The following ANAPC10 variants were observed in gnomAD, a reference collection of about 807,000 sequenced individuals.
ANAPC10 encodes anaphase-promoting complex subunit 10.
A neutral mutation model predicts 22.0 loss-of-function variants in ANAPC10; 12 were observed. The observed-to-expected ratio is 0.55, with a 90% confidence interval of 0.35 to 0.88. ANAPC10 has a LOEUF of 0.88. ANAPC10 is among the 40% of genes least tolerant of loss of function. ANAPC10 has a pLI of 0.01. For missense variants in ANAPC10, 188 were observed against 220.9 expected, an observed-to-expected ratio of 0.85 and a Z score of 0.94; for synonymous variants, 65 against 69.5, an observed-to-expected ratio of 0.94 and a Z score of 0.32.
chr4:145,000,421 T>C (rs1732343517), intron 4 of ANAPC10, among the ~76,000 whole-genome samples: 1 of 152,014 alleles, frequency 6.6e-6, no homozygotes, highest in Non-Finnish European at 1.5e-5. Context: ...AAAGAAGACA[T>C]TTATACAGCC....
At chr4:144,997,084 T>C (rs1403775568) in intron 4 of ANAPC10, among the ~76,000 whole-genome samples, 1 of 152,194 alleles carries the variant, frequency 6.6e-6, no homozygotes, top group Non-Finnish European at 1.5e-5. Flanking sequence ...AATATGGTAC[T>C]ATGTGAAAAG....
intron 4 of ANAPC10, among the ~76,000 whole-genome samples, chr4:145,040,368 G>A (rs933230865): frequency 2.0e-5 from 3 of 152,104 alleles, no homozygotes; most frequent in Admixed American, 6.5e-5. Context: ...GGCTGGTCTC[G>A]AACTCCTGAC....
At chr4:145,042,451 G>A (rs1277976848) in intron 4 of ANAPC10, among the ~76,000 whole-genome samples, 1 of 151,846 alleles carries the variant, frequency 6.6e-6, no homozygotes, top group African/African-American at 2.4e-5. Context: ...GATTTTAAAG[G>A]GCAAACATCA....
intron 4 of ANAPC10, chr4:145,053,615 C>T (rs1741454094): frequency 2.3e-6 from 1 of 425,956 alleles, no homozygotes; most frequent in African/African-American, 2.0e-5. Flanking sequence ...TCCCAAATAT[C>T]TACAAATCCT....
At chr4:145,001,533 T>C (rs1390386788) in intron 4 of ANAPC10, among the ~76,000 whole-genome samples, 5 of 152,204 alleles carry the variant, frequency 3.3e-5, no homozygotes, top group Middle Eastern at 3.2e-3. Flanking sequence ...TGACGATGTA[T>C]AGTTCTTAAA....
intron 4 of ANAPC10, among the ~76,000 whole-genome samples, chr4:145,057,528 T>C (rs1484060345): frequency 2.0e-5 from 3 of 152,170 alleles, no homozygotes; most frequent in Admixed American, 6.5e-5. Context: ...CCTAGCACTC[T>C]TCTTTCATAT....
At chr4:144,998,911 A>C (rs893249565) in intron 4 of ANAPC10, among the ~76,000 whole-genome samples, 4 of 152,156 alleles carry the variant, frequency 2.6e-5, no homozygotes, top group Non-Finnish European at 5.9e-5. Flanking sequence ...GCAAATAGAC[A>C]CAATAAAAAA....
chr4:145,049,507 T>C (rs1452577739), intron 4 of ANAPC10, among the ~76,000 whole-genome samples: 2 of 152,224 alleles, frequency 1.3e-5, no homozygotes, highest in Non-Finnish European at 2.9e-5. Flanking sequence ...TTAGCTCATT[T>C]ATGAGAAGCA....
At chr4:145,016,786 C>T (rs1014624362) in intron 4 of ANAPC10, among the ~76,000 whole-genome samples, 1 of 152,018 alleles carries the variant, frequency 6.6e-6, no homozygotes, top group Non-Finnish European at 1.5e-5. Flanking sequence ...CAGACCAATG[C>T]AACAGAACAG....
intron 2 of ANAPC10, among the ~76,000 whole-genome samples, chr4:145,090,686 C>A (rs1747547135): frequency 6.6e-6 from 1 of 152,178 alleles, no homozygotes; most frequent in African/African-American, 2.4e-5. Context: ...AATAGTACAA[C>A]TTCATATATA....
At chr4:145,051,863 T>A (rs1024120068) in intron 4 of ANAPC10, among the ~76,000 whole-genome samples, 2 of 152,206 alleles carry the variant, frequency 1.3e-5, no homozygotes, top group Non-Finnish European at 2.9e-5. Context: ...TAATTTAGTC[T>A]AAGGACACTA....
intron 4 of ANAPC10, among the ~76,000 whole-genome samples, chr4:145,000,922 T>C (rs1208777731): frequency 6.6e-6 from 1 of 152,068 alleles, no homozygotes; most frequent in Non-Finnish European, 1.5e-5. Flanking sequence ...GAAACCATCA[T>C]TCTAAGCCAA....
intron 4 of ANAPC10, among the ~76,000 whole-genome samples, chr4:145,025,763 T>A (rs148227460): frequency 6.6e-6 from 1 of 152,292 alleles, no homozygotes; most frequent in African/African-American, 2.4e-5. Context: ...ATAGACTTGC[T>A]CAATGCAGAG....
At position 145,003,526 on chromosome 4, in the gene ANAPC10, A is replaced by G. The variant is rs187431229; in HGVS notation, c.328-7923T>C. On this transcript the variant is annotated intron_variant, in intron 4 of 4. Coordinates refer to ENST00000507656, the MANE Select transcript of ANAPC10 (RefSeq NM_001256706.2). ...TATTACCGATTTTTGTATACAGTGT[A>G]AGGAAGGGATCCAGTTTCAATCTTC... 3.9e-4 allele frequency among the ~76,000 whole-genome samples: 60 copies of G among 152,320 alleles called. No homozygotes were observed. The East Asian group carries it at 9.8e-3, about 25-fold the overall frequency.
intron 3 of ANAPC10, among the ~76,000 whole-genome samples, chr4:145,072,012 A>C (rs547330637): frequency 4.6e-5 from 7 of 151,988 alleles, no homozygotes; most frequent in South Asian, 2.1e-4. Flanking sequence ...AAAAAACACA[A>C]AAAAAACAAA....
intron 4 of ANAPC10, among the ~76,000 whole-genome samples, chr4:145,003,485 A>G (rs893747671): frequency 3.9e-5 from 6 of 152,208 alleles, no homozygotes; most frequent in African/African-American, 7.2e-5. Context: ...GAACTAATTT[A>G]CATTCCCAAC....
intron 4 of ANAPC10, among the ~76,000 whole-genome samples, chr4:145,015,625 G>A (rs923191924): frequency 6.6e-6 from 1 of 152,072 alleles, no homozygotes; most frequent in Non-Finnish European, 1.5e-5. Context: ...TCATCACCTA[G>A]GCACACTGTC....
intron 2 of ANAPC10, among the ~76,000 whole-genome samples, chr4:145,082,606 A>G (rs1478182916): frequency 6.6e-6 from 1 of 152,216 alleles, no homozygotes. Context: ...ATGACTTAAA[A>G]TATTTTCAAA....
chr4:145,052,258 G>A (rs577276015), intron 4 of ANAPC10, among the ~76,000 whole-genome samples: 17 of 152,092 alleles, frequency 1.1e-4, no homozygotes, highest in South Asian at 4.1e-4. Flanking sequence ...AGATTTAAGC[G>A]TTCACACCAC....
Sources: gnomAD v4.1 joint callset for allele counts (sites outside exome capture counted in the v4.1 genomes callset) on GRCh38, gnomAD v4.1.1 for gene constraint, MANE v1.5 for transcripts, NCBI Gene and HGNC (gene_info 2026-07-23, HGNC 2026-07-21) for gene names.